GMDS: variants seen among roughly 807,000 people sequenced by gnomAD.
The protein encoded by GMDS is GDP-mannose 4,6 dehydratase.
In GMDS, 20 loss-of-function variants were observed where a neutral mutation model predicts 49.9. The observed-to-expected ratio is 0.40, with a 90% CI of 0.28 to 0.58. The LOEUF (loss-of-function observed/expected upper bound fraction) is 0.58, where lower values mean the gene tolerates loss of function less well. Ranked by LOEUF, GMDS falls within the 20% of genes least tolerant of loss-of-function variation. The pLI, the probability that GMDS is intolerant of heterozygous loss-of-function variation, is 0.42. For synonymous variants in GMDS, 177 were observed against 178.6 expected (o/e 0.99, Z 0.07); for missense variants, 362 against 481.4 (o/e 0.75, Z 2.32).
chr6:1,998,063 A>G (rs1244516658), intron 4 of GMDS, among the ~76,000 whole-genome samples: 1 of 152,190 alleles, frequency 6.6e-6, no homozygotes, highest in Admixed American at 6.5e-5. Context: ...CTCACTGGAG[A>G]CCTTAGGCAA....
At chr6:2,112,943 T>C (rs951415019) in intron 4 of GMDS, among the ~76,000 whole-genome samples, 1 of 152,130 alleles carries the variant, frequency 6.6e-6, no homozygotes, top group Non-Finnish European at 1.5e-5. Context: ...TCTTCAGTCC[T>C]CTACCCGTCT....
intron 7 of GMDS, among the ~76,000 whole-genome samples, chr6:1,921,762 C>G (rs1209594202): frequency 6.6e-6 from 1 of 152,126 alleles, no homozygotes; most frequent in Admixed American, 6.5e-5. Flanking sequence ...AGAAACAACA[C>G]AGAAACCACG....
chr6:1,989,836 G>A (rs1467959834), intron 4 of GMDS, among the ~76,000 whole-genome samples: 1 of 152,262 alleles, frequency 6.6e-6, no homozygotes, highest in South Asian at 2.1e-4. Flanking sequence ...AGGGGCTGAA[G>A]ATACGCCCTT....
intron 1 of GMDS, among the ~76,000 whole-genome samples, chr6:2,134,335 T>C (rs1775887321): frequency 6.6e-6 from 1 of 152,228 alleles, no homozygotes; most frequent in Admixed American, 6.5e-5. Flanking sequence ...ACCATATACT[T>C]TTTAAAATCT....
intron 2 of GMDS, among the ~76,000 whole-genome samples, chr6:2,118,101 A>G (rs895279636): frequency 2.0e-5 from 3 of 152,198 alleles, no homozygotes; most frequent in Non-Finnish European, 4.4e-5. Flanking sequence ...GGTAAGAGAC[A>G]GCACTTATGT....
intron 1 of GMDS, among the ~76,000 whole-genome samples, chr6:2,132,140 T>C (rs997854558): frequency 3.3e-5 from 5 of 152,160 alleles, no homozygotes; most frequent in African/African-American, 1.2e-4. Flanking sequence ...CAGGGTCTAA[T>C]AGTTAGTAGG....
intron 4 of GMDS, among the ~76,000 whole-genome samples, chr6:2,027,967 T>A (rs1209189706): frequency 6.6e-6 from 1 of 152,146 alleles, no homozygotes; most frequent in East Asian, 1.9e-4. Context: ...TTCTAGTGTC[T>A]ATAGTTCTTT....
At chr6:1,813,055 C>CA (rs1258970179) in intron 7 of GMDS, among the ~76,000 whole-genome samples, 3 of 151,344 alleles carry the variant, frequency 2.0e-5, no homozygotes, top group Admixed American at 1.3e-4. Flanking sequence ...CCATCTCTAC[C>CA]AAAAAAATTT....
intron 1 of GMDS, among the ~76,000 whole-genome samples, chr6:2,221,481 C>T (rs1026858014): frequency 1.1e-4 from 16 of 152,284 alleles, no homozygotes; most frequent in East Asian, 7.7e-4. Flanking sequence ...CCCGGCCTCC[C>T]GGGTTCACAC....
chr6:1,675,737 C>T (rs1764599090), intron 9 of GMDS, among the ~76,000 whole-genome samples: 1 of 151,836 alleles, frequency 6.6e-6, no homozygotes, highest in Admixed American at 6.6e-5. Context: ...CCTGTAGTCC[C>T]AGCTACTCGG....
chr6:2,120,738 C>T (rs1302808829), intron 2 of GMDS, among the ~76,000 whole-genome samples: 2 of 152,174 alleles, frequency 1.3e-5, no homozygotes, highest in East Asian at 3.8e-4. Context: ...AACTAGAATG[C>T]GCTTTCATAA....
chr6:2,096,862 G>A (rs557580503), intron 4 of GMDS, among the ~76,000 whole-genome samples: 225 of 152,130 alleles, frequency 1.5e-3, no homozygotes, highest in African/African-American at 5.3e-3. Flanking sequence ...TTGTGTGTAC[G>A]TATATTACAT....
chr6:2,174,405 T>G (rs1011872545), intron 1 of GMDS, among the ~76,000 whole-genome samples: 6 of 152,204 alleles, frequency 3.9e-5, no homozygotes, highest in African/African-American at 1.2e-4. Flanking sequence ...AATTTCATCT[T>G]TTTTAAACTA....
At chr6:2,071,050 G>A (rs1369317596) in intron 4 of GMDS, among the ~76,000 whole-genome samples, 1 of 152,062 alleles carries the variant, frequency 6.6e-6, no homozygotes, top group African/African-American at 2.4e-5. Flanking sequence ...TTCCCACCAA[G>A]CAGAGGGAAA....
chr6:1,749,087 C>T (rs1045463758), intron 7 of GMDS, among the ~76,000 whole-genome samples: 1 of 152,146 alleles, frequency 6.6e-6, no homozygotes, highest in African/African-American at 2.4e-5. Context: ...CTCTGAAAGC[C>T]CTCTACCAAC....
chr6:1,699,014 C>G (rs527476934), intron 9 of GMDS, among the ~76,000 whole-genome samples: 2 of 152,088 alleles, frequency 1.3e-5, no homozygotes, highest in African/African-American at 4.8e-5. Flanking sequence ...GCAGCTCAGA[C>G]CTTTAAAAAG....
At chr6:2,068,361 AG>A (rs1239154067) in intron 4 of GMDS, among the ~76,000 whole-genome samples, 3 of 151,374 alleles carry the variant, frequency 2.0e-5, no homozygotes, top group African/African-American at 7.3e-5. Context: ...GGCACAAGAC[AG>A]GGATGCCCTC....
In GMDS at chr6:1,624,104, CGCGTCTGCACCGGAGACTCT is replaced by C; in HGVS notation, c.*45_*64del. The C allele has an allele frequency of 2.1e-6, 3 of 1,415,644 alleles. No individual in the cohort carries two copies. The highest frequency in any genetic ancestry group is 3.0e-6 in the Non-Finnish European group (3 of 1,014,826). 87.7% of individuals were successfully genotyped at this position (1,415,644 alleles called of 1,614,324 possible). ...GGCACGCCGCTCCCCATCCCCGCAGCGCGTCTGCACCGGAGACTCTGCGGGGATTGTAGCCGGAGGGCGGG... is the reference window on the plus strand; with the variant it reads ...GGCACGCCGCTCCCCATCCCCGCAGCGCGGGGATTGTAGCCGGAGGGCGGG... On this transcript the variant is annotated 3_prime_UTR_variant, in exon 11 of 11. Transcript: ENST00000380815.
chr6:1,827,740 A>G (rs1771190992), intron 7 of GMDS, among the ~76,000 whole-genome samples: 1 of 152,276 alleles, frequency 6.6e-6, no homozygotes, highest in East Asian at 1.9e-4. Flanking sequence ...AGACCTCACA[A>G]GATCTTAAGA....
Sources: allele counts gnomAD v4.1 joint callset (sites outside exome capture counted in the v4.1 genomes callset), GRCh38; gene constraint gnomAD v4.1.1; transcripts MANE v1.5; gene names NCBI Gene and HGNC (gene_info 2026-07-23, HGNC 2026-07-21).